The following BLTP3A variants were observed in gnomAD, a reference collection of about 807,000 sequenced individuals.
BLTP3A encodes bridge-like lipid transfer protein family member 3A.
chr6:34,795,404 G>GT, the BLTP3A span, among the ~76,000 whole-genome samples: 595 of 138,500 alleles, frequency 4.3e-3, 2 homozygotes, highest in South Asian at 0.012. Flanking sequence ...TTTGTTTTTT[G>GT]TTTTTTTTTT....
the BLTP3A span, chr6:34,864,219 G>T: frequency 6.2e-7 from 1 of 1,605,418 alleles, no homozygotes; most frequent in Middle Eastern, 1.7e-4. Flanking sequence ...GCAGAGCCAG[G>T]CAAAGTTGCA....
chr6:34,857,974 A>G, the BLTP3A span: 119 of 1,587,514 alleles, frequency 7.5e-5, no homozygotes, highest in Non-Finnish European at 9.9e-5. Flanking sequence ...CATTTTTCCA[A>G]TGGATATAAT....
the BLTP3A span, chr6:34,834,766 G>T: frequency 6.2e-7 from 1 of 1,614,100 alleles, no homozygotes; most frequent in South Asian, 1.1e-5. Flanking sequence ...CCGAATTGAG[G>T]CAGATGCTAC....
the BLTP3A span, among the ~76,000 whole-genome samples, chr6:34,831,264 A>AT: frequency 2.0e-5 from 3 of 151,856 alleles, no homozygotes; most frequent in Non-Finnish European, 2.9e-5. Context: ...AGTGGCTGGG[A>AT]TTACAGGCGC....
chr6:34,853,166 T>C, the BLTP3A span, among the ~76,000 whole-genome samples: 165 of 152,274 alleles, frequency 1.1e-3, no homozygotes, highest in Non-Finnish European at 2.0e-3. Flanking sequence ...TGATTTCCTG[T>C]GTGGAGAGTT....
the BLTP3A span, among the ~76,000 whole-genome samples, chr6:34,818,147 C>T: frequency 7.9e-5 from 12 of 152,184 alleles, no homozygotes; most frequent in South Asian, 2.1e-4. Flanking sequence ...CGTGAGCCAC[C>T]GCGCCCGGCC....
the BLTP3A span, chr6:34,858,205 G>A: frequency 6.2e-7 from 1 of 1,614,142 alleles, no homozygotes; most frequent in Non-Finnish European, 8.5e-7. Flanking sequence ...AGGCATGATT[G>A]CCACCAATAC....
the BLTP3A span, chr6:34,864,331 AAGAG>A: frequency 1.0e-5 from 10 of 974,160 alleles, no homozygotes; most frequent in Middle Eastern, 3.4e-4. Flanking sequence ...AAGACAAAAA[AAGAG>A]AGACAGAGAA....
chr6:34,804,195 G>T, the BLTP3A span, among the ~76,000 whole-genome samples: 3 of 152,128 alleles, frequency 2.0e-5, no homozygotes, highest in Non-Finnish European at 4.4e-5. Flanking sequence ...CACATCTGTA[G>T]GTAGTGTCTT....
the BLTP3A span, chr6:34,821,887 C>T: frequency 6.2e-7 from 1 of 1,614,234 alleles, no homozygotes; most frequent in Non-Finnish European, 8.5e-7. Context: ...TCAGCTACCA[C>T]AGCCCTGAGA....
chr6:34,839,452 C>A, the BLTP3A span, among the ~76,000 whole-genome samples: 1 of 152,212 alleles, frequency 6.6e-6, no homozygotes, highest in South Asian at 2.1e-4. Flanking sequence ...CCACGTGTGA[C>A]TACTGGACAC....
chr6:34,839,836 T>G, the BLTP3A span, among the ~76,000 whole-genome samples: 1 of 152,230 alleles, frequency 6.6e-6, no homozygotes, highest in Non-Finnish European at 1.5e-5. Context: ...AGTTCCTGGC[T>G]CTCCCTTGCC....
chr6:34,801,704 T>C, the BLTP3A span, among the ~76,000 whole-genome samples: 4 of 50,314 alleles, frequency 8.0e-5, no homozygotes, highest in Non-Finnish European at 1.4e-4. Flanking sequence ...AGCTTTATTT[T>C]ATTTATTTAT....
the BLTP3A span, among the ~76,000 whole-genome samples, chr6:34,847,349 T>C: frequency 6.6e-6 from 1 of 152,158 alleles, no homozygotes; most frequent in African/African-American, 2.4e-5. Flanking sequence ...GTATTCCTCC[T>C]CTATTTTTTG....
At chr6:34,813,226 A>G in the BLTP3A span, among the ~76,000 whole-genome samples, 15 of 152,294 alleles carry the variant, frequency 9.8e-5, no homozygotes, top group South Asian at 3.1e-3. Flanking sequence ...GTTAAGTCCC[A>G]TTTCTGTTAT....
chr6:34,830,384 C>T, the BLTP3A span, among the ~76,000 whole-genome samples: 1 of 151,780 alleles, frequency 6.6e-6, no homozygotes, highest in Non-Finnish European at 1.5e-5. Flanking sequence ...GTCAGGAGTT[C>T]GAGACCAGCC....
chr6:34,836,062 G>T, the BLTP3A span: 1 of 1,453,006 alleles, frequency 6.9e-7, no homozygotes, highest in Non-Finnish European at 9.2e-7. Context: ...TTGCTAAACT[G>T]TGGTTTTCTT....
At chr6:34,856,089 C>T in the BLTP3A span, 1 of 1,204,674 alleles carries the variant, frequency 8.3e-7, no homozygotes, top group Middle Eastern at 2.0e-4. Context: ...AATGTGCAAC[C>T]TATCATTGGA....
the BLTP3A span, among the ~76,000 whole-genome samples, chr6:34,819,375 A>G: frequency 5.1e-5 from 7 of 137,168 alleles, no homozygotes; most frequent in East Asian, 1.5e-3. Flanking sequence ...AGAGAGGGTT[A>G]TGCTATGAGG....
Sources: allele counts gnomAD v4.1 joint callset (sites outside exome capture counted in the v4.1 genomes callset), GRCh38; gene constraint gnomAD v4.1.1; transcripts MANE v1.5; gene names NCBI Gene and HGNC (gene_info 2026-07-23, HGNC 2026-07-21).